The following GPX6 variants were observed in gnomAD, a reference collection of about 807,000 sequenced individuals.
The protein encoded by GPX6 is glutathione peroxidase 6, also known as glutathione peroxidase 6 (olfactory).
Under a neutral mutation model 20.0 loss-of-function variants are expected in GPX6, and 21 were observed. That is an observed-to-expected ratio of 1.05 (90% CI 0.74 to 1.51). The LOEUF (loss-of-function observed/expected upper bound fraction) is 1.51. Ranked by LOEUF, GPX6 falls within the 40% of genes most tolerant of loss-of-function variation. GPX6 has a pLI of 0.00. For missense variants in GPX6, 233 were observed against 254.7 expected, an observed-to-expected ratio of 0.91 and a Z score of 0.58; for synonymous variants, 75 against 98.0, an observed-to-expected ratio of 0.77 and a Z score of 1.38.
intron 1 of GPX6, among the ~76,000 whole-genome samples, chr6:28,511,352 T>G (rs969904109): frequency 6.6e-6 from 1 of 152,158 alleles, no homozygotes; most frequent in Non-Finnish European, 1.5e-5. Flanking sequence ...GCCCATAACT[T>G]CTCCAGATGC....
chr6:28,505,635 G>T (rs1762799696), intron 4 of GPX6, 68 bp downstream of exon 4: 1 of 1,252,714 alleles, frequency 8.0e-7, no homozygotes, highest in African/African-American at 1.5e-5. Context: ...CACAACCCTA[G>T]ACATGAGCCC....
chr6:28,508,014 A>G (rs1762823042), intron 2 of GPX6, among the ~76,000 whole-genome samples: 1 of 152,270 alleles, frequency 6.6e-6, no homozygotes, highest in East Asian at 1.9e-4. Flanking sequence ...TTGTATATGC[A>G]TAACAGATTT....
intron 1 of GPX6, among the ~76,000 whole-genome samples, chr6:28,511,293 C>A (rs1762867753): frequency 6.6e-6 from 1 of 152,222 alleles, no homozygotes; most frequent in Non-Finnish European, 1.5e-5. Context: ...TTTGCACAAA[C>A]TTCTCATCTA....
intron 2 of GPX6, among the ~76,000 whole-genome samples, chr6:28,508,156 GC>G (rs1231146508): frequency 6.6e-6 from 1 of 152,128 alleles, no homozygotes; most frequent in African/African-American, 2.4e-5. Flanking sequence ...TCAATATGTA[GC>G]AAATTTAAGT....
Position 28,505,723 on chromosome 6 carries a change from T to A in GPX6, c.439A>T (p.Lys147Ter). Residue 147 changes from lysine (K) to a stop codon, truncating the protein, a stop_gained, in exon 4 of 5, where the codon AAG becomes TAG. Transcript: ENST00000361902. LOFTEE classifies it high-confidence loss of function. ...TGCACCTTCAGGAAAGTAAAGACCT[T>A]CTGTTCTTTTTCTCCATTCACATCC... ...KGDVNGEKEQ[K>*]VFTFLKNSCP... 1 of 1,613,644 alleles carries A rather than the reference T, an allele frequency of 6.2e-7. No individual in the cohort carries two copies. The highest frequency in any genetic ancestry group is 8.5e-7 in the Non-Finnish European group (1 of 1,179,518).
At chr6:28,513,458 G>A (rs1239519125) in intron 1 of GPX6, among the ~76,000 whole-genome samples, 1 of 152,184 alleles carries the variant, frequency 6.6e-6, no homozygotes, top group African/African-American at 2.4e-5. Flanking sequence ...AACTGAAGCA[G>A]CGAGCCACAC....
At position 28,512,699 on chromosome 6, in the gene GPX6, C is replaced by T. The variant is rs183409082; in HGVS notation, c.88-1795G>A. 2.6e-4 allele frequency among the ~76,000 whole-genome samples: 39 copies of T among 152,316 alleles called. 1 individual carries two copies. The highest frequency in any genetic ancestry group is 2.1e-3 in the East Asian group (11 of 5,184). On this transcript the variant is annotated intron_variant, in intron 1 of 4. Transcript: ENST00000361902. ...TCGCTCTTTGCAATAAGTCTTGCTG[C>T]TGCTCATTCTTGGGGTCCACACTGC... is the stretch of plus-strand genomic sequence containing the variant.
intron 1 of GPX6, among the ~76,000 whole-genome samples, chr6:28,512,171 G>C (rs1187761300): frequency 1.3e-5 from 2 of 152,246 alleles, no homozygotes; most frequent in Non-Finnish European, 2.9e-5. Context: ...TGAGGAGTGC[G>C]GGCGCAGGGC....
At chr6:28,504,556 C>T in intron 4 of GPX6, 58 bp from the exon 5 acceptor site, 1 of 1,459,940 alleles carries the variant, frequency 6.8e-7, no homozygotes, top group South Asian at 1.2e-5. Context: ...ATTTCTACTT[C>T]TGTGTGGTAC....
At chr6:28,504,562 G>T in intron 4 of GPX6, 64 bp from the exon 5 acceptor site, 1 of 1,433,202 alleles carries the variant, frequency 7.0e-7, no homozygotes, top group South Asian at 1.2e-5. Context: ...ACTTCTGTGT[G>T]GTACAGTTTT....
intron 1 of GPX6, among the ~76,000 whole-genome samples, chr6:28,513,079 G>A (rs559278151): frequency 6.6e-6 from 1 of 152,328 alleles, no homozygotes; most frequent in Non-Finnish European, 1.5e-5. Flanking sequence ...ACAGCGGAAG[G>A]ACATGGAGTT....
intron 3 of GPX6, among the ~76,000 whole-genome samples, chr6:28,506,035 G>A (rs1233255523): frequency 6.6e-6 from 1 of 152,186 alleles, no homozygotes; most frequent in African/African-American, 2.4e-5. Flanking sequence ...TAGGTTTCCT[G>A]CTTCACTTCC....
At position 28,513,915 on chromosome 6, in the gene GPX6, C is replaced by T. The variant is rs570456194; in HGVS notation, c.87+1742G>A. 4.6e-5 allele frequency among the ~76,000 whole-genome samples: 7 copies of T among 152,282 alleles called. No homozygotes were observed. In the South Asian group the frequency reaches 1.2e-3, roughly 27 times the overall value. On this transcript the variant is annotated intron_variant, in intron 1 of 4. Coordinates refer to ENST00000361902, the MANE Select transcript of GPX6 (RefSeq NM_182701.1). ...AGGCCACAGCTTCTCCTTCATTATC[C>T]TTGGAGAGAAGGAGGCTTGACCAAG...
At chr6:28,513,645 C>G (rs1762967497) in intron 1 of GPX6, among the ~76,000 whole-genome samples, 2 of 152,132 alleles carry the variant, frequency 1.3e-5, no homozygotes, top group South Asian at 4.2e-4. Flanking sequence ...ACAAGCATGC[C>G]AAGAATAAAA....
At position 28,505,786 on chromosome 6, in the gene GPX6, T is replaced by C; in HGVS notation, c.376A>G (p.Ser126Gly). The C allele has an allele frequency of 6.2e-7, 1 of 1,613,846 alleles. No individual in the cohort carries two copies. The highest frequency in any genetic ancestry group is 8.5e-7 in the Non-Finnish European group (1 of 1,179,718). The change falls in exon 4 of 5, where the codon AGT becomes GGT. Residue 126 changes from serine to glycine, a missense_variant. Transcript: ENST00000361902. ...LLGLKYVCPG[S>G]GFVPSFQLFE... ...AGCTGGAAACTGGGGACAAAGCCACTACCTGGACACACATACCTGCAGTGA... is the reference window on the plus strand; with the variant it reads ...AGCTGGAAACTGGGGACAAAGCCACCACCTGGACACACATACCTGCAGTGA...
chr6:28,504,162 A>C lies in GPX6; in HGVS notation c.*130T>G. 1.3e-6 allele frequency: 1 copy of C among 748,868 alleles called. No homozygotes were observed. The allele number at this position is 748,868 out of a possible 1,614,324, so 46.4% of individuals were successfully genotyped here. A position where few individuals can be genotyped will look rare whatever the true frequency, so the allele number is the denominator to read the frequency against. On this transcript the variant is annotated 3_prime_UTR_variant, in exon 5 of 5. Transcript: ENST00000361902. ...TGCTAAGCAGGTGCTTGGGTAGTAC[A>C]GGATGGTTTGGTCATCAGGAGGCTG... is the stretch of plus-strand genomic sequence containing the variant.
At position 28,510,894 on chromosome 6, in the gene GPX6, T is replaced by A. The variant is rs1762859793; in HGVS notation, c.98A>T (p.Asn33Ile). The change falls in exon 2 of 5, where the codon AAC becomes ATC. Residue 33 changes from asparagine to isoleucine, a missense_variant. Transcript: ENST00000361902. ...LKPQNRKVDC[N>I]KGVTGTIYEY... is the part of the protein sequence containing the mutation. ...ATAGATGGTGCCTGTTACCCCTTTG[T>A]TGCAATCCACCTGGAATTTTACAAA... is the stretch of plus-strand genomic sequence containing the variant. The A allele has an allele frequency of 3.7e-6, 6 of 1,603,306 alleles. No homozygotes were observed. The highest frequency in any genetic ancestry group is 5.1e-6 in the Non-Finnish European group (6 of 1,173,846).
rs1307817640 is a variant in GPX6 at position 28,506,367 on chromosome 6, T to C, written c.304A>G (p.Asn102Asp). Residue 102 changes from asparagine (N) to aspartate (D), a missense_variant, in exon 3 of 5, where the codon AAC becomes GAC. Transcript: ENST00000361902. The part of the protein sequence containing the change: ...FGVIVLAFPC[N>D]QFGKQEPGTN... ...CCTGGTTCTTGTTTTCCAAACTGGT[T>C]GCAGGGAAAGGCCAACACAATGACA... The C allele has an allele frequency of 1.9e-6, 3 of 1,614,044 alleles. No homozygotes were observed. The highest frequency in any genetic ancestry group is 1.7e-6 in the Non-Finnish European group (2 of 1,179,922).
Position 28,504,099 on chromosome 6 carries a change from T to TACACACACACACACACAC in GPX6, c.*175_*192dup, listed in dbSNP as rs55919532. The TACACACACACACACACAC allele has an allele frequency of 1.8e-5, 10 of 565,658 alleles. No individual in the cohort carries two copies. Among genetic ancestry groups the TACACACACACACACACAC allele is most frequent in the East Asian group, 3.0e-5 (1 of 33,876 alleles). 35.0% of individuals were successfully genotyped at this position (565,658 alleles called of 1,614,324 possible). A position where few individuals can be genotyped will look rare whatever the true frequency, so the allele number is the denominator to read the frequency against. ...CAACAAATACAATTCTACATATCCA[T>TACACACACACACACACAC]ACACACACACACACACACACACACA... On this transcript the variant is annotated 3_prime_UTR_variant, in exon 5 of 5. Transcript: ENST00000361902.
Sources: gnomAD v4.1 joint callset for allele counts (sites outside exome capture counted in the v4.1 genomes callset) on GRCh38, gnomAD v4.1.1 for gene constraint, MANE v1.5 for transcripts, NCBI Gene and HGNC (gene_info 2026-07-23, HGNC 2026-07-21) for gene names.